The following EPHB3 variants were observed in gnomAD, a reference collection of about 807,000 sequenced individuals.
EPHB3 encodes ephrin type-B receptor 3.
A neutral mutation model predicts 100.2 loss-of-function variants in EPHB3; 33 were observed. The observed-to-expected ratio is 0.33, with a 90% CI of 0.25 to 0.44. The LOEUF (loss-of-function observed/expected upper bound fraction) is 0.44. Among genes scored for constraint, EPHB3 ranks in the 20% least tolerant of loss-of-function variants. EPHB3 has a pLI of 1.00. For missense variants in EPHB3, 1,045 were observed against 1,378.3 expected (o/e 0.76, Z 3.83); for synonymous variants, 526 against 554.7 (o/e 0.95, Z 0.73).
chr3:184,579,626 T>G lies in EPHB3; in HGVS notation c.1924+27T>G, dbSNP rs768101696. On this transcript the variant is annotated intron_variant, in intron 10 of 15. Coordinates refer to ENST00000330394, the MANE Select transcript of EPHB3 (RefSeq NM_004443.4). The surrounding 1 kb of genome is among the most constrained non-coding windows in gnomAD (Gnocchi z 5.2). The stretch of plus-strand genomic sequence containing the variant: ...TGAGTCTCCCGGGGCACAGTAGAGA[T>G]GAGAAGCTGAGGCGGGCTGGGTACA... 6.2e-7 allele frequency: 1 copy of G among 1,612,220 alleles called. No homozygotes were observed. The highest frequency in any genetic ancestry group is 8.5e-7 in the Non-Finnish European group (1 of 1,178,948).
Position 184,571,134 on chromosome 3 carries a change from A to G in EPHB3, c.119-184A>G, listed in dbSNP as rs1314658899. Reference sequence around the variant, plus strand: ...CCAGCCTGGCTAATTTTGTATTTTTAGTAGAGATGGGGTTTCAACATGTTG... The same window carrying G: ...CCAGCCTGGCTAATTTTGTATTTTTGGTAGAGATGGGGTTTCAACATGTTG... On this transcript the variant is annotated intron_variant, in intron 1 of 15. Coordinates refer to ENST00000330394, the MANE Select transcript of EPHB3 (RefSeq NM_004443.4). This position sits in a 1 kb window ranked among gnomAD's most constrained non-coding sequence, Gnocchi z 5.0. Among the ~76,000 whole-genome samples, 1 of 151,748 alleles carries G rather than the reference A, an allele frequency of 6.6e-6. No homozygotes were observed. Among genetic ancestry groups the G allele is most frequent in the East Asian group, 1.9e-4 (1 of 5,154 alleles).
At chr3:184,575,335 C>G (rs537675112) in intron 3 of EPHB3, 43 of 694,942 alleles carry the variant, frequency 6.2e-5, no homozygotes, top group Non-Finnish European at 7.6e-5. Context: ...CTGCTGCCTG[C>G]GCCTGGTGGG....
At chr3:184,576,377 G>A (rs1660998724) in intron 4 of EPHB3, among the ~76,000 whole-genome samples, 1 of 152,196 alleles carries the variant, frequency 6.6e-6, no homozygotes, top group Non-Finnish European at 1.5e-5. Flanking sequence ...CCATGGAGGG[G>A]GCCTCACATC....
rs988908508 is a variant in EPHB3 at position 184,573,281 on chromosome 3, G to A, written c.856+105G>A. On this transcript the variant is annotated intron_variant, in intron 3 of 15. Transcript: ENST00000330394. This position sits in a 1 kb window ranked among gnomAD's most constrained non-coding sequence, Gnocchi z 4.5. ...GCTTGCTATCTGACTAGGAGGTCTG[G>A]GAGCAGGTCCACAGTGGAGGCAGGA... The A allele has an allele frequency of 2.8e-5, 41 of 1,442,388 alleles. No individual in the cohort carries two copies. In the African/African-American group the frequency reaches 5.2e-4, roughly 18 times the overall value. 89.3% of individuals were successfully genotyped at this position (1,442,388 alleles called of 1,614,324 possible).
At position 184,575,994 on chromosome 3, in the gene EPHB3, A is replaced by C. The variant is rs757547152; in HGVS notation, c.1012+9A>C. On this transcript the variant is annotated intron_variant, in intron 4 of 15. Transcript: ENST00000330394. ...GGACAGTGCCTGTACCAGTGAGTGAACGCGTGACCTCTCTTTCCCTCTGCA... is the reference window on the plus strand; with the variant it reads ...GGACAGTGCCTGTACCAGTGAGTGACCGCGTGACCTCTCTTTCCCTCTGCA... 9.4e-6 allele frequency: 15 copies of C among 1,601,428 alleles called. No homozygotes were observed. The East Asian group carries it at 3.2e-4, about 34-fold the overall frequency.
chr3:184,580,585 G>A lies in EPHB3; in HGVS notation c.2356G>A (p.Asp786Asn), dbSNP rs747181480. 6.2e-7 allele frequency: 1 copy of A among 1,614,180 alleles called. No individual in the cohort carries two copies. Among genetic ancestry groups the A allele is most frequent in the Non-Finnish European group, 8.5e-7 (1 of 1,180,010 alleles). ...TGGCCTCTCCCGCTTCCTGGAGGAT[G>A]ACCCCTCCGATCCTACCTACACCAG... is the stretch of plus-strand genomic sequence containing the variant. ...DFGLSRFLED[D>N]PSDPTYTSSL... is the part of the protein sequence containing the mutation. The change falls in exon 12 of 16, where the codon GAC becomes AAC. Residue 786 changes from aspartate to asparagine, a missense_variant. Asp to Asn is a conservative substitution (Grantham distance 23). This residue lies in a region of EPHB3 where 985 missense variants were observed against 1,331.1 expected (regional missense o/e 0.74). Coordinates refer to ENST00000330394, the MANE Select transcript of EPHB3 (RefSeq NM_004443.4).
intron 1 of EPHB3, among the ~76,000 whole-genome samples, chr3:184,570,745 TG>T (rs1714517991): frequency 6.6e-6 from 1 of 152,076 alleles, no homozygotes; most frequent in Non-Finnish European, 1.5e-5. Context: ...AGCCTGTAGG[TG>T]TGTGGACCAG....
chr3:184,577,153 G>T lies in EPHB3; in HGVS notation c.1324G>T (p.Ala442Ser). The T allele has an allele frequency of 6.2e-7, 1 of 1,607,238 alleles. No individual in the cohort carries two copies. The highest frequency in any genetic ancestry group is 1.1e-5 in the South Asian group (1 of 90,536). ...CAAGAGCCCTCTGCCGCCTCGTTAT[G>T]CGGCCGTGAATATCACCACAAACCA... Reference protein sequence around the residue: ...SGKSPLPPRYAAVNITTNQAA... With the variant: ...SGKSPLPPRYSAVNITTNQAA... The change falls in exon 5 of 16, where the codon GCG becomes TCG. Residue 442 changes from alanine (A) to serine (S), a missense_variant. Physicochemically the swap from Ala to Ser is moderately conservative, Grantham distance 99. Transcript: ENST00000330394. This position sits in a 1 kb window ranked among gnomAD's most constrained non-coding sequence, Gnocchi z 4.9.
chr3:184,580,680 G>T (rs1275181214), intron 12 of EPHB3, 49 bp from the exon 13 acceptor site: 11 of 1,610,166 alleles, frequency 6.8e-6, no homozygotes, highest in South Asian at 1.1e-5. Context: ...CTCGGGCCTG[G>T]GGGGCAGCCC....
chr3:184,577,511 G>C lies in EPHB3; in HGVS notation c.1479+44G>C. On this transcript the variant is annotated intron_variant, in intron 6 of 15. Transcript: ENST00000330394. This position sits in a 1 kb window ranked among gnomAD's most constrained non-coding sequence, Gnocchi z 4.9. ...AGGAGGAGGCCTTGGGCTGAGCTGG[G>C]CTGAGAAAATTACCCCCGGATCATG... 2 of 1,610,218 alleles carry C rather than the reference G, an allele frequency of 1.2e-6. No homozygotes were observed. The highest frequency in any genetic ancestry group is 1.7e-6 in the Non-Finnish European group (2 of 1,177,890).
At chr3:184,568,984 TCC>T (rs1183270105) in intron 1 of EPHB3, among the ~76,000 whole-genome samples, 1 of 148,518 alleles carries the variant, frequency 6.7e-6, no homozygotes, top group Non-Finnish European at 1.5e-5. Flanking sequence ...CTCTCCGCCG[TCC>T]CCTCCCTCCG....
In EPHB3 at chr3:184,563,603, G is replaced by A. The variant is rs1032271488; in HGVS notation, c.118+1250G>A. 6.6e-6 allele frequency among the ~76,000 whole-genome samples: 1 copy of A among 152,228 alleles called. No individual in the cohort carries two copies. Among genetic ancestry groups the A allele is most frequent in the African/African-American group, 2.4e-5 (1 of 41,454 alleles). On this transcript the variant is annotated intron_variant, in intron 1 of 15. Transcript: ENST00000330394. The surrounding 1 kb of genome is among the most constrained non-coding windows in gnomAD (Gnocchi z 4.1). Reference sequence around the variant, plus strand: ...CCCCACCCTCCTCATCTCTGAGCCTGCTGTGCTGACAGATCGAGTCCCACG... The same window carrying A: ...CCCCACCCTCCTCATCTCTGAGCCTACTGTGCTGACAGATCGAGTCCCACG...
Position 184,572,999 on chromosome 3 carries a change from A to G in EPHB3, c.679A>G (p.Thr227Ala), listed in dbSNP as rs1363340143. 6.2e-7 allele frequency: 1 copy of G among 1,610,992 alleles called. No homozygotes were observed. The highest frequency in any genetic ancestry group is 2.2e-5 in the East Asian group (1 of 44,824). ...CTTCGCACTCTTCCCCGAGACCCTC[A>G]CTGGGGCGGAGCCCACCTCGCTGGT... Reference protein sequence around the residue: ...AGFALFPETLTGAEPTSLVIA... With the variant: ...AGFALFPETLAGAEPTSLVIA... Residue 227 changes from threonine to alanine, a missense_variant, in exon 3 of 16, where the codon ACT (threonine) becomes GCT (alanine). Around this residue, in one of 2 missense-constraint regions of EPHB3, gnomAD observed 985 missense variants for 1,331.1 expected, o/e 0.74. Transcript: ENST00000330394. This position sits in a 1 kb window ranked among gnomAD's most constrained non-coding sequence, Gnocchi z 6.6.
chr3:184,579,425 G>T lies in EPHB3; in HGVS notation c.1802-52G>T. On this transcript the variant is annotated intron_variant, in intron 9 of 15. Transcript: ENST00000330394. The surrounding 1 kb of genome is among the most constrained non-coding windows in gnomAD (Gnocchi z 5.2). ...GCCTGCTGGAGCTGTGCCCATCGCA[G>T]GGAGAGGCTGGCTTGACGTTACCCT... is the stretch of plus-strand genomic sequence containing the variant. 8 of 1,597,374 alleles carry T rather than the reference G, an allele frequency of 5.0e-6. No individual in the cohort carries two copies. The highest frequency in any genetic ancestry group is 6.9e-6 in the Non-Finnish European group (8 of 1,167,778).
intron 3 of EPHB3, among the ~76,000 whole-genome samples, chr3:184,574,741 G>T (rs1714631242): frequency 6.6e-6 from 1 of 152,204 alleles, no homozygotes; most frequent in Admixed American, 6.5e-5. Context: ...AAAGGGGGTG[G>T]GGTGATGAGC....
At chr3:184,574,307 T>C (rs11707373) in intron 3 of EPHB3, among the ~76,000 whole-genome samples, 2,861 of 152,274 alleles carry the variant, frequency 0.019, 50 homozygotes, top group South Asian at 0.042. Context: ...TTCGGAGTTA[T>C]CAAAATTGTC....
rs1714687215 is a variant in EPHB3, at chr3:184,576,824, C to T, written c.1013-18C>T. ...AGAGCCCCCAGCTCACTACCTTCTC[C>T]CTCCATATTCCTCACAGCCGTGCCA... On this transcript the variant is annotated intron_variant, in intron 4 of 15. Coordinates refer to ENST00000330394, the MANE Select transcript of EPHB3 (RefSeq NM_004443.4). 1 of 1,523,670 alleles carries T rather than the reference C, an allele frequency of 6.6e-7. No individual in the cohort carries two copies. The highest frequency in any genetic ancestry group is 2.1e-5 in the Admixed American group (1 of 47,652). The allele number at this position is 1,523,670 out of a possible 1,614,324, so 94.4% of individuals were successfully genotyped here.
In EPHB3 at chr3:184,577,771, T is replaced by C; in HGVS notation, c.1593T>C (p.Tyr531=). 6.2e-7 allele frequency: 1 copy of C among 1,610,090 alleles called. No homozygotes were observed. The change falls in exon 7 of 16, where the codon TAT becomes TAC. Residue 531 remains tyrosine, a synonymous_variant. Coordinates refer to ENST00000330394, the MANE Select transcript of EPHB3 (RefSeq NM_004443.4). The surrounding 1 kb of genome is among the most constrained non-coding windows in gnomAD (Gnocchi z 4.9). The stretch of plus-strand genomic sequence containing the variant: ...TCCGTGCCCGCACAGTAGCTGGCTA[T>C]GGGCAGTACAGCCGCCCTGCCGAGT... ...VQVRARTVAG[Y]GQYSRPAEFE...
In EPHB3 at chr3:184,579,978, G is replaced by C; in HGVS notation, c.2172+44G>C. ...GCCCTCTCCCTCCCCCAGAGAGTTG[G>C]ATTGGGCTCACCATCCCCTCCCACA... On this transcript the variant is annotated intron_variant, in intron 11 of 15. Coordinates refer to ENST00000330394, the MANE Select transcript of EPHB3 (RefSeq NM_004443.4). The surrounding 1 kb of genome is among the most constrained non-coding windows in gnomAD (Gnocchi z 5.2). 6.3e-7 allele frequency: 1 copy of C among 1,587,150 alleles called. No individual in the cohort carries two copies. Among genetic ancestry groups the C allele is most frequent in the Non-Finnish European group, 8.6e-7 (1 of 1,167,538 alleles).
Sources: allele counts gnomAD v4.1 joint callset (sites outside exome capture counted in the v4.1 genomes callset), GRCh38; gene constraint gnomAD v4.1.1; regional missense constraint gnomAD v4.1.1; non-coding constraint Gnocchi (gnomAD v3.1); transcripts MANE v1.5; gene names NCBI Gene and HGNC (gene_info 2026-07-23, HGNC 2026-07-21).